The following ANP32B variants were observed in gnomAD, a reference collection of about 807,000 sequenced individuals.
The protein encoded by ANP32B is acidic nuclear phosphoprotein 32 family member B.
Under a neutral mutation model 32.2 loss-of-function variants are expected in ANP32B, and 6 were observed. That is an observed-to-expected ratio of 0.19 (90% CI 0.10 to 0.37). ANP32B has a LOEUF of 0.37. ANP32B is among the 10% of genes least tolerant of loss of function. The pLI is 1.00. For synonymous variants in ANP32B, 98 were observed against 105.8 expected, an observed-to-expected ratio of 0.93 and a Z score of 0.45; for missense variants, 204 against 289.2, an observed-to-expected ratio of 0.71 and a Z score of 2.14.
rs187638436 is a variant in ANP32B, at chr9:98,006,508, G to A, written c.517+1355G>A. On this transcript the variant is annotated intron_variant, in intron 4 of 6. Coordinates refer to ENST00000339399, the MANE Select transcript of ANP32B (RefSeq NM_006401.3). Reference sequence around the variant, plus strand: ...AAACGTCGCTGGAGAGCTTCTTTGAGAAGGGGGAAAGACCCAATAATGAGA... The same window carrying A: ...AAACGTCGCTGGAGAGCTTCTTTGAAAAGGGGGAAAGACCCAATAATGAGA... Among the ~76,000 whole-genome samples the A allele has an allele frequency of 4.0e-3, 606 of 152,296 alleles. 3 individuals carry two copies. Among genetic ancestry groups the A allele is most frequent in the African/African-American group, 0.013 (557 of 41,554 alleles).
chr9:98,005,254 C>G (rs979177197), intron 4 of ANP32B, 101 bp downstream of exon 4: 1 of 1,187,680 alleles, frequency 8.4e-7, no homozygotes, highest in Non-Finnish European at 1.2e-6. Flanking sequence ...CAACCGTAAT[C>G]CCAGCACTTT....
At chr9:98,008,710 A>G (rs1356534464) in intron 4 of ANP32B, among the ~76,000 whole-genome samples, 1 of 152,190 alleles carries the variant, frequency 6.6e-6, no homozygotes, top group African/African-American at 2.4e-5. Context: ...TTCGAATGTC[A>G]CTGTCTCTCA....
Position 97,998,761 on chromosome 9 carries a change from A to G in ANP32B, c.327+83A>G, listed in dbSNP as rs1587875145. 7 of 1,027,836 alleles carry G rather than the reference A, an allele frequency of 6.8e-6. No homozygotes were observed. The East Asian group carries it at 2.5e-4, about 36-fold the overall frequency. The allele number at this position is 1,027,836 out of a possible 1,614,324, so 63.7% of individuals were successfully genotyped here. On this transcript the variant is annotated intron_variant, in intron 3 of 6. Coordinates refer to ENST00000339399, the MANE Select transcript of ANP32B (RefSeq NM_006401.3). Reference sequence around the variant, plus strand: ...CTTTATAGTGGGGGAAATTACTGGCAATAATAATTGGTTGAGAAAGTGGTG... The same window carrying G: ...CTTTATAGTGGGGGAAATTACTGGCGATAATAATTGGTTGAGAAAGTGGTG...
intron 1 of ANP32B, among the ~76,000 whole-genome samples, chr9:97,983,916 G>A (rs1827647585): frequency 6.6e-6 from 1 of 152,002 alleles, no homozygotes; most frequent in Admixed American, 6.6e-5. Flanking sequence ...GGCGGCGAGA[G>A]AGGGAGGCGG....
chr9:98,011,757 T>G (rs1050406166), intron 5 of ANP32B, among the ~76,000 whole-genome samples: 1 of 152,224 alleles, frequency 6.6e-6, no homozygotes, highest in African/African-American at 2.4e-5. Context: ...AACTTTTTCT[T>G]GTATATTCAG....
chr9:97,998,510 T>G, intron 2 of ANP32B, 46 bp from the exon 3 acceptor site: 1 of 1,552,252 alleles, frequency 6.4e-7, no homozygotes, highest in Non-Finnish European at 8.7e-7. Context: ...GATTTCTGTT[T>G]CTCTGTGTGT....
At chr9:97,984,251 C>G (rs1297285808) in intron 1 of ANP32B, among the ~76,000 whole-genome samples, 3 of 150,860 alleles carry the variant, frequency 2.0e-5, no homozygotes, top group Non-Finnish European at 3.0e-5. Flanking sequence ...GAGGGGCGGG[C>G]CAGGGCGGCG....
intron 1 of ANP32B, among the ~76,000 whole-genome samples, chr9:97,990,580 G>T (rs1462876755): frequency 6.6e-6 from 1 of 152,064 alleles, no homozygotes; most frequent in African/African-American, 2.4e-5. Context: ...TGCCTTTTCT[G>T]CCTAGCCCAA....
intron 1 of ANP32B, chr9:97,984,483 CG>C (rs1564133844): frequency 1.3e-5 from 2 of 151,376 alleles, no homozygotes; most frequent in African/African-American, 2.4e-5. Flanking sequence ...CGGCGGCGCC[CG>C]GGGCCCCTGC....
intron 3 of ANP32B, among the ~76,000 whole-genome samples, chr9:98,003,034 C>T (rs1828020549): frequency 6.6e-6 from 1 of 152,138 alleles, no homozygotes; most frequent in Non-Finnish European, 1.5e-5. Flanking sequence ...CATTTTTTTC[C>T]TCTTTGGCAA....
intron 1 of ANP32B, among the ~76,000 whole-genome samples, chr9:97,990,617 A>G (rs1043211750): frequency 1.3e-5 from 2 of 152,048 alleles, no homozygotes; most frequent in East Asian, 1.9e-4. Context: ...TTATCCCAGT[A>G]TATCTTATTG....
intron 3 of ANP32B, among the ~76,000 whole-genome samples, chr9:98,002,965 G>A (rs1483385335): frequency 2.0e-5 from 3 of 152,166 alleles, no homozygotes; most frequent in Non-Finnish European, 4.4e-5. Flanking sequence ...CTGGCATCGA[G>A]TCAGCCTTTG....
chr9:97,983,570 G>A lies in ANP32B; in HGVS notation c.15G>A (p.Arg5=). The A allele has an allele frequency of 1.3e-6, 2 of 1,586,662 alleles. No homozygotes were observed. Among genetic ancestry groups the A allele is most frequent in the Non-Finnish European group, 1.7e-6 (2 of 1,167,460 alleles). Residue 5 remains arginine, a synonymous_variant, in exon 1 of 7, where the codon AGG becomes AGA. Coordinates refer to ENST00000339399, the MANE Select transcript of ANP32B (RefSeq NM_006401.3). The part of the protein sequence containing the change: MDMK[R]RIHLELRNRT... The stretch of plus-strand genomic sequence containing the variant: ...AAGAGGGGAACATGGACATGAAGAG[G>A]AGGATCCACCTGGAGCTGAGGAACC...
intron 6 of ANP32B, 78 bp downstream of exon 6, chr9:98,012,550 A>C: frequency 6.4e-7 from 1 of 1,570,508 alleles, no homozygotes; most frequent in Non-Finnish European, 8.6e-7. Flanking sequence ...ATATGATACC[A>C]CTGAGAAGAA....
intron 4 of ANP32B, among the ~76,000 whole-genome samples, chr9:98,009,628 C>T (rs1828146074): frequency 6.6e-6 from 1 of 152,250 alleles, no homozygotes; most frequent in South Asian, 2.1e-4. Flanking sequence ...AGGCGGAGTT[C>T]ACGTGGTAAT....
At chr9:97,986,264 G>A (rs570815592) in intron 1 of ANP32B, among the ~76,000 whole-genome samples, 2 of 152,362 alleles carry the variant, frequency 1.3e-5, no homozygotes, top group South Asian at 2.1e-4. Context: ...TGGGTGCTGC[G>A]TTAGGCAGCA....
At chr9:98,002,745 C>T (rs541106381) in intron 3 of ANP32B, among the ~76,000 whole-genome samples, 1 of 152,088 alleles carries the variant, frequency 6.6e-6, no homozygotes. Context: ...ACAGGAGAGC[C>T]TTGGAGGCCC....
rs1431018280 is a variant in ANP32B, at chr9:98,015,366, G to A, written c.691G>A (p.Glu231Lys). 6.4e-7 allele frequency: 1 copy of A among 1,551,068 alleles called. No individual in the cohort carries two copies. Among genetic ancestry groups the A allele is most frequent in the South Asian group, 1.2e-5 (1 of 84,030 alleles). The change falls in exon 7 of 7, where the codon GAG (glutamate) becomes AAG (lysine). Residue 231 changes from glutamate to lysine, a missense_variant and splice_region_variant. Coordinates refer to ENST00000339399, the MANE Select transcript of ANP32B (RefSeq NM_006401.3). ...EDEDEDEDEE[E>K]EEGGKGEKRK... is the part of the protein sequence containing the mutation. ...AGTCAATTTTTGTTACTGTACAGAGGAGGAAGAAGGTGGGAAAGGTGAAAA... is the reference window on the plus strand; with the variant it reads ...AGTCAATTTTTGTTACTGTACAGAGAAGGAAGAAGGTGGGAAAGGTGAAAA...
rs1353162362 is a variant in ANP32B at position 98,004,993 on chromosome 9, C to T, written c.357C>T (p.Asp119=). 6.2e-7 allele frequency: 1 copy of T among 1,611,746 alleles called. No individual in the cohort carries two copies. Among genetic ancestry groups the T allele is most frequent in the East Asian group, 2.2e-5 (1 of 44,770 alleles). The change falls in exon 4 of 7, where the codon GAC becomes GAT. Residue 119 remains aspartate, a synonymous_variant. Coordinates refer to ENST00000339399, the MANE Select transcript of ANP32B (RefSeq NM_006401.3). ...LKKLECLKSL[D]LFNCEVTNLN... ...AGTTAGAATGTCTGAAAAGCCTGGA[C>T]CTCTTTAACTGTGAGGTTACCAACC...
Sources: gnomAD v4.1 joint callset for allele counts (sites outside exome capture counted in the v4.1 genomes callset) on GRCh38, gnomAD v4.1.1 for gene constraint, MANE v1.5 for transcripts, NCBI Gene and HGNC (gene_info 2026-07-23, HGNC 2026-07-21) for gene names.